The following HPCAL1 variants were observed in gnomAD, a reference collection of about 807,000 sequenced individuals.
HPCAL1 encodes hippocalcin-like protein 1.
Under a neutral mutation model 17.1 loss-of-function variants are expected in HPCAL1, and 8 were observed. That is an observed-to-expected ratio of 0.47 (90% CI 0.27 to 0.84). The LOEUF is 0.84. Among genes scored for constraint, HPCAL1 ranks in the 40% least tolerant of loss-of-function variants. HPCAL1 has a pLI of 0.13. For missense variants in HPCAL1, 165 were observed against 271.1 expected, an observed-to-expected ratio of 0.61 and a Z score of 2.75; for synonymous variants, 112 against 111.4, an observed-to-expected ratio of 1.01 and a Z score of -0.03.
chr2:10,320,613 C>T (rs1663616404), intron 1 of HPCAL1, among the ~76,000 whole-genome samples: 1 of 152,308 alleles, frequency 6.6e-6, no homozygotes, highest in South Asian at 2.1e-4. Context: ...AGTGCGAGAA[C>T]TGACAGGGAC....
At position 10,325,650 on chromosome 2, in the gene HPCAL1, A is replaced by G. The variant is rs574279788; in HGVS notation, c.-111+22473A>G. ...CCCACACCGGGCCAGAGCTGCCTTG[A>G]TATTTATTTCAGGGCATCCCTGCAG... On this transcript the variant is annotated intron_variant, in intron 1 of 4. Transcript: ENST00000307845. Among the ~76,000 whole-genome samples, 5 of 152,314 alleles carry G rather than the reference A, an allele frequency of 3.3e-5. No homozygotes were observed. The East Asian group carries it at 9.7e-4, about 29-fold the overall frequency.
intron 2 of HPCAL1, among the ~76,000 whole-genome samples, chr2:10,400,261 G>A (rs1014737863): frequency 3.9e-5 from 6 of 152,210 alleles, no homozygotes; most frequent in Admixed American, 2.6e-4. Flanking sequence ...AACCCCGACC[G>A]CTGAGGAAGA....
intron 1 of HPCAL1, among the ~76,000 whole-genome samples, chr2:10,371,815 A>T (rs1166029860): frequency 6.6e-6 from 1 of 152,106 alleles, no homozygotes; most frequent in African/African-American, 2.4e-5. Context: ...GCCATGGAGG[A>T]TAGGGAGAGG....
intron 2 of HPCAL1, among the ~76,000 whole-genome samples, chr2:10,400,680 C>A (rs966771115): frequency 2.0e-5 from 3 of 152,208 alleles, no homozygotes. Context: ...TGGTCGTCCC[C>A]TCCAGCCCTC....
chr2:10,341,745 T>C (rs542597012), intron 1 of HPCAL1, among the ~76,000 whole-genome samples: 7 of 152,110 alleles, frequency 4.6e-5, no homozygotes, highest in Non-Finnish European at 7.4e-5. Context: ...ATTGGCTGGG[T>C]CCAACGCTTC....
At position 10,395,598 on chromosome 2, in the gene HPCAL1, G is replaced by T. The variant is rs987469340; in HGVS notation, c.-110-1237G>T. Among the ~76,000 whole-genome samples the T allele has an allele frequency of 6.6e-6, 1 of 152,162 alleles. No individual in the cohort carries two copies. Among genetic ancestry groups the T allele is most frequent in the Non-Finnish European group, 1.5e-5 (1 of 68,026 alleles). On this transcript the variant is annotated intron_variant, in intron 1 of 4. Coordinates refer to ENST00000307845, the MANE Select transcript of HPCAL1 (RefSeq NM_002149.4). The surrounding 1 kb of genome is among the most constrained non-coding windows in gnomAD (Gnocchi z 4.4). ...GGTGAACAAGCCACTTCGTCTAGTG[G>T]GTGCTTGTAAAGCGGGATCGTTGCT... is the stretch of plus-strand genomic sequence containing the variant.
chr2:10,329,655 C>T lies in HPCAL1; in HGVS notation c.-111+26478C>T, dbSNP rs550526335. Among the ~76,000 whole-genome samples, 4 of 152,352 alleles carry T rather than the reference C, an allele frequency of 2.6e-5. No individual in the cohort carries two copies. In the East Asian group the frequency reaches 7.7e-4, roughly 29 times the overall value. On this transcript the variant is annotated intron_variant, in intron 1 of 4. Coordinates refer to ENST00000307845, the MANE Select transcript of HPCAL1 (RefSeq NM_002149.4). ...TGTAAGCCACTAGGTTGATTTGTTA[C>T]AGCAGTGACACCGGGCTTTGTCTCT...
intron 1 of HPCAL1, among the ~76,000 whole-genome samples, chr2:10,324,799 G>A (rs1020659436): frequency 1.1e-4 from 16 of 148,532 alleles, no homozygotes; most frequent in Admixed American, 7.4e-4. Flanking sequence ...TGCAATATTG[G>A]GTTTGCTGGT....
Position 10,359,089 on chromosome 2 carries a change from A to C in HPCAL1, c.-110-37746A>C, listed in dbSNP as rs550729115. ...GTTTGACCCGTCTGCATGCTCCCCT[A>C]GAGGTTTGAGCAGCGGGACACTGAC... is the stretch of plus-strand genomic sequence containing the variant. On this transcript the variant is annotated intron_variant, in intron 1 of 4. Coordinates refer to ENST00000307845, the MANE Select transcript of HPCAL1 (RefSeq NM_002149.4). This position sits in a 1 kb window ranked among gnomAD's most constrained non-coding sequence, Gnocchi z 4.1. 1.5e-3 allele frequency among the ~76,000 whole-genome samples: 217 copies of C among 147,754 alleles called. 3 individuals are homozygous for C. Among genetic ancestry groups the C allele is most frequent in the African/African-American group, 5.1e-3 (195 of 38,558 alleles).
chr2:10,380,334 C>T (rs1667858102), intron 1 of HPCAL1, among the ~76,000 whole-genome samples: 1 of 152,096 alleles, frequency 6.6e-6, no homozygotes, highest in African/African-American at 2.4e-5. Flanking sequence ...ACACCAGGGC[C>T]CACGAGATCT....
intron 2 of HPCAL1, among the ~76,000 whole-genome samples, chr2:10,409,448 AAGGCTGC>A: frequency 6.6e-6 from 1 of 152,334 alleles, no homozygotes; most frequent in Non-Finnish European, 1.5e-5. Flanking sequence ...CCGGGAAGCT[AAGGCTGC>A]AGGCAGCTTG....
chr2:10,355,450 CAAAAAAAAAAAAAAA>C (rs34600690), intron 1 of HPCAL1, among the ~76,000 whole-genome samples: 12 of 32,184 alleles, frequency 3.7e-4, no homozygotes, highest in East Asian at 1.8e-3. Flanking sequence ...GACTCCGTCT[CAAAAAAAAAAAAAAA>C]AAAAAAAAAA....
intron 1 of HPCAL1, among the ~76,000 whole-genome samples, chr2:10,383,470 C>A (rs1668099047): frequency 6.6e-6 from 1 of 152,086 alleles, no homozygotes; most frequent in Admixed American, 6.5e-5. Context: ...TTAAGCAATT[C>A]TTTTGCCTCA....
intron 1 of HPCAL1, among the ~76,000 whole-genome samples, chr2:10,305,623 G>A (rs1662572069): frequency 6.6e-6 from 1 of 152,210 alleles, no homozygotes; most frequent in East Asian, 1.9e-4. Context: ...AAGGTCCTTT[G>A]ATCTGTGGAG....
rs905004972 is a variant in HPCAL1, at chr2:10,354,653, T to C, written c.-110-42182T>C. ...ACATTCTTTCCATTGTCCGACGCACTGAGGCAGAGACAGGAATTTTAACTA... is the reference window on the plus strand; with the variant it reads ...ACATTCTTTCCATTGTCCGACGCACCGAGGCAGAGACAGGAATTTTAACTA... On this transcript the variant is annotated intron_variant, in intron 1 of 4. Coordinates refer to ENST00000307845, the MANE Select transcript of HPCAL1 (RefSeq NM_002149.4). The surrounding 1 kb of genome is among the most constrained non-coding windows in gnomAD (Gnocchi z 5.1). Among the ~76,000 whole-genome samples the C allele has an allele frequency of 2.0e-5, 3 of 152,244 alleles. No individual in the cohort carries two copies. Among genetic ancestry groups the C allele is most frequent in the Non-Finnish European group, 4.4e-5 (3 of 68,050 alleles).
chr2:10,304,318 G>A lies in HPCAL1; in HGVS notation c.-111+1141G>A, dbSNP rs1305929372. 1.3e-5 allele frequency among the ~76,000 whole-genome samples: 2 copies of A among 152,230 alleles called. No individual in the cohort carries two copies. Among genetic ancestry groups the A allele is most frequent in the African/African-American group, 4.8e-5 (2 of 41,470 alleles). On this transcript the variant is annotated intron_variant, in intron 1 of 4. Transcript: ENST00000307845. This position sits in a 1 kb window ranked among gnomAD's most constrained non-coding sequence, Gnocchi z 4.1. Reference sequence around the variant, plus strand: ...ATGCAGCTCAGCTCGTGGAGTCCGAGAGTCACGGCGTAAAATTGGCGCTTC... The same window carrying A: ...ATGCAGCTCAGCTCGTGGAGTCCGAAAGTCACGGCGTAAAATTGGCGCTTC...
intron 1 of HPCAL1, among the ~76,000 whole-genome samples, chr2:10,378,556 G>A (rs1161751259): frequency 6.6e-6 from 1 of 152,118 alleles, no homozygotes; most frequent in African/African-American, 2.4e-5. Flanking sequence ...TGGAATGAGA[G>A]CAAACTATAG....
chr2:10,409,240 C>A (rs973939158), intron 2 of HPCAL1, among the ~76,000 whole-genome samples: 13 of 152,122 alleles, frequency 8.5e-5, no homozygotes, highest in African/African-American at 3.1e-4. Flanking sequence ...GGTGGAGACA[C>A]GGAGGCACCT....
intron 1 of HPCAL1, among the ~76,000 whole-genome samples, chr2:10,350,259 G>C (rs976453624): frequency 6.6e-6 from 1 of 151,922 alleles, no homozygotes; most frequent in East Asian, 1.9e-4. Context: ...TAGTCCAGGG[G>C]CAATTAGGGG....
Sources: allele counts gnomAD v4.1 joint callset (sites outside exome capture counted in the v4.1 genomes callset), GRCh38; gene constraint gnomAD v4.1.1; non-coding constraint Gnocchi (gnomAD v3.1); transcripts MANE v1.5; gene names NCBI Gene and HGNC (gene_info 2026-07-23, HGNC 2026-07-21).